Variants in MOCOS observed in about 807,000 individuals in gnomAD.
The protein encoded by MOCOS is molybdenum cofactor sulfurase.
In MOCOS, 86 loss-of-function variants were observed where a neutral mutation model predicts 83.6. The ratio of observed to expected loss-of-function variants is 1.03; its 90% CI spans 0.86 to 1.23. The LOEUF (loss-of-function observed/expected upper bound fraction) is 1.23, where lower values mean the gene tolerates loss of function less well. Ranked by LOEUF, MOCOS falls within the 50% of genes most tolerant of loss-of-function variation. The pLI, the probability that MOCOS is intolerant of heterozygous loss-of-function variation, is 0.00. For missense variants in MOCOS, 1,120 were observed against 1,126.9 expected (o/e 0.99, Z 0.09); for synonymous variants, 445 against 434.7 (o/e 1.02, Z -0.29).
intron 11 of MOCOS, among the ~76,000 whole-genome samples, chr18:36,253,815 G>C (rs2091630767): frequency 6.6e-6 from 1 of 152,174 alleles, no homozygotes; most frequent in African/African-American, 2.4e-5. Flanking sequence ...GATAGATGGG[G>C]AGAAGGGTTG....
At chr18:36,207,854 A>G (rs1470042087) in intron 6 of MOCOS, among the ~76,000 whole-genome samples, 1 of 152,188 alleles carries the variant, frequency 6.6e-6, no homozygotes, top group Non-Finnish European at 1.5e-5. Context: ...AGTCTTCATC[A>G]TGAAGTCTTT....
At chr18:36,243,357 C>G (rs1167882243) in intron 9 of MOCOS, among the ~76,000 whole-genome samples, 1 of 152,100 alleles carries the variant, frequency 6.6e-6, no homozygotes, top group Non-Finnish European at 1.5e-5. Flanking sequence ...TTTTCTGCAT[C>G]TATTGAGATA....
rs2144166210 is a variant in MOCOS, at chr18:36,271,029, G to C, written c.*2344G>C. 6.6e-6 allele frequency: 1 copy of C among 150,870 alleles called. No homozygotes were observed. The highest frequency in any genetic ancestry group is 2.0e-4 in the East Asian group (1 of 5,116). 9.3% of individuals were successfully genotyped at this position (150,870 alleles called of 1,614,324 possible). On this transcript the variant is annotated 3_prime_UTR_variant, in exon 15 of 15. Coordinates refer to ENST00000261326, the MANE Select transcript of MOCOS (RefSeq NM_017947.4). Reference sequence around the variant, plus strand: ...TTTGGTAGAGATGGCATCTCACTTTGTTGCCCAGGCTAGTTTTGAATTCCT... The same window carrying C: ...TTTGGTAGAGATGGCATCTCACTTTCTTGCCCAGGCTAGTTTTGAATTCCT...
intron 11 of MOCOS, among the ~76,000 whole-genome samples, chr18:36,252,450 T>G (rs2091625560): frequency 6.6e-6 from 1 of 152,132 alleles, no homozygotes; most frequent in Non-Finnish European, 1.5e-5. Context: ...CCCAGCTACT[T>G]GGGAGGCTGA....
intron 9 of MOCOS, among the ~76,000 whole-genome samples, chr18:36,229,640 T>C (rs921249296): frequency 6.6e-6 from 1 of 152,166 alleles, no homozygotes; most frequent in Non-Finnish European, 1.5e-5. Flanking sequence ...ATGTATATAT[T>C]GGTCCACTTG....
At chr18:36,256,945 T>C (rs1169027097) in intron 11 of MOCOS, 23 bp from the exon 12 acceptor site, 1 of 1,589,306 alleles carries the variant, frequency 6.3e-7, no homozygotes, top group Non-Finnish European at 8.6e-7. Flanking sequence ...CAACTCTTCT[T>C]TTAAATGCTC....
chr18:36,196,089 G>T (rs915529399), intron 2 of MOCOS, among the ~76,000 whole-genome samples: 2 of 152,150 alleles, frequency 1.3e-5, no homozygotes, highest in African/African-American at 2.4e-5. Flanking sequence ...AGTGGGAGAG[G>T]TCTGAATGGG....
chr18:36,200,324 G>C lies in MOCOS; in HGVS notation c.941G>C (p.Arg314Thr), dbSNP rs774641649. Reference protein sequence around the residue: ...FYIPRQSVAQRFEDGTISFLD... With the variant: ...FYIPRQSVAQTFEDGTISFLD... ...ATCCCGAGGCAGTCGGTAGCTCAGA[G>C]GTAACCTTGCCACAGGGGAGGGGTC... The change falls in exon 4 of 15, where the codon AGG becomes ACG. Residue 314 changes from arginine (R) to threonine (T), a missense_variant and splice_region_variant. Transcript: ENST00000261326. 6.2e-7 allele frequency: 1 copy of C among 1,613,962 alleles called. No individual in the cohort carries two copies. Among genetic ancestry groups the C allele is most frequent in the Non-Finnish European group, 8.5e-7 (1 of 1,180,038 alleles).
In MOCOS at chr18:36,199,951, C is replaced by A; in HGVS notation, c.568C>A (p.Pro190Thr). 6.2e-7 allele frequency: 1 copy of A among 1,614,216 alleles called. No individual in the cohort carries two copies. The highest frequency in any genetic ancestry group is 8.5e-7 in the Non-Finnish European group (1 of 1,180,034). The change falls in exon 4 of 15, where the codon CCA becomes ACA. Residue 190 changes from proline (P) to threonine (T), a missense_variant. Transcript: ENST00000261326. ...GGAACGTAGTGCTTCAGCCAGCAAC[C>A]CAGACTGCCAGCTGCCGCATCTCTT... ...AEERSASASN[P>T]DCQLPHLFCY...
intron 1 of MOCOS, among the ~76,000 whole-genome samples, chr18:36,193,752 G>C (rs1240574213): frequency 1.3e-5 from 2 of 152,088 alleles, no homozygotes; most frequent in Non-Finnish European, 2.9e-5. Flanking sequence ...AACTTAAAAA[G>C]AACTTGTATG....
At chr18:36,219,472 A>G (rs1183781809) in intron 8 of MOCOS, among the ~76,000 whole-genome samples, 1 of 152,092 alleles carries the variant, frequency 6.6e-6, no homozygotes, top group Non-Finnish European at 1.5e-5. Flanking sequence ...TGAGGTCAGG[A>G]GTTTGAGACC....
At chr18:36,213,302 T>C in intron 6 of MOCOS, 64 bp from the exon 7 acceptor site, 1 of 1,269,874 alleles carries the variant, frequency 7.9e-7, no homozygotes, top group Non-Finnish European at 1.2e-6. Flanking sequence ...AATCCTGATC[T>C]GAATCTCTCA....
Position 36,251,204 on chromosome 18 carries a change from A to C in MOCOS, c.2085A>C (p.Ser695=), listed in dbSNP as rs772513507. 2 of 1,613,868 alleles carry C rather than the reference A, an allele frequency of 1.2e-6. No individual in the cohort carries two copies. The highest frequency in any genetic ancestry group is 2.2e-5 in the South Asian group (2 of 91,060). The change falls in exon 11 of 15, where the codon TCA becomes TCC. Residue 695 remains serine, a synonymous_variant. Coordinates refer to ENST00000261326, the MANE Select transcript of MOCOS (RefSeq NM_017947.4). ...GAGAAAAAATTTCAAGCTGGTTGTC[A>C]ACATTTTTTGGCCGTCCTTGTCATT... ...DCGEKISSWL[S]TFFGRPCHLI... is the part of the protein sequence containing the mutation.
intron 8 of MOCOS, among the ~76,000 whole-genome samples, chr18:36,219,444 A>T (rs2091487590): frequency 6.6e-6 from 1 of 152,060 alleles, no homozygotes; most frequent in African/African-American, 2.4e-5. Flanking sequence ...TTTGGGAGGC[A>T]AAGGCAGGTG....
intron 9 of MOCOS, among the ~76,000 whole-genome samples, chr18:36,239,642 T>C (rs942480970): frequency 6.8e-5 from 10 of 146,530 alleles, no homozygotes; most frequent in African/African-American, 2.6e-4. Context: ...GGAATATCTT[T>C]GTGGCGTTCT....
At chr18:36,240,663 C>G (rs928315787) in intron 9 of MOCOS, among the ~76,000 whole-genome samples, 4 of 151,914 alleles carry the variant, frequency 2.6e-5, no homozygotes, top group African/African-American at 9.7e-5. Flanking sequence ...TGGGCTCCAC[C>G]CAGTTCGAGC....
In MOCOS at chr18:36,239,839, T is replaced by C. The variant is rs562438993; in HGVS notation, c.1961-9083T>C. On this transcript the variant is annotated intron_variant, in intron 9 of 14. Coordinates refer to ENST00000261326, the MANE Select transcript of MOCOS (RefSeq NM_017947.4). The stretch of plus-strand genomic sequence containing the variant: ...CTTGGAGGCTTTGCTCGTTTCTTTT[T>C]ATTCTTTTTTCTCTAAATTTTCCTT... 5.3e-4 allele frequency among the ~76,000 whole-genome samples: 81 copies of C among 152,168 alleles called. No individual in the cohort carries two copies. In the South Asian group the frequency reaches 0.016, roughly 31 times the overall value.
intron 12 of MOCOS, among the ~76,000 whole-genome samples, chr18:36,258,035 C>T (rs662822): frequency 0.41 from 62,524 of 152,038 alleles, 13,324 homozygotes; most frequent in Non-Finnish European, 0.47. Context: ...TGTGATGCAG[C>T]CACATGTTCT....
intron 9 of MOCOS, among the ~76,000 whole-genome samples, chr18:36,234,210 A>C (rs577022893): frequency 3.9e-5 from 6 of 152,200 alleles, no homozygotes; most frequent in Non-Finnish European, 8.8e-5. Context: ...ATTTTTGTAT[A>C]AGGTGAGAGA....
Sources: gnomAD v4.1 joint callset for allele counts (sites outside exome capture counted in the v4.1 genomes callset) on GRCh38, gnomAD v4.1.1 for gene constraint, MANE v1.5 for transcripts, NCBI Gene and HGNC (gene_info 2026-07-23, HGNC 2026-07-21) for gene names.